Variants in SYNPO observed in about 807,000 individuals in gnomAD.
SYNPO encodes the protein synaptopodin.
Under a neutral mutation model 49.5 loss-of-function variants are expected in SYNPO, and 19 were observed. The observed-to-expected ratio is 0.38, with a 90% CI of 0.27 to 0.56. The LOEUF is 0.56. Among genes scored for constraint, SYNPO ranks in the 20% least tolerant of loss-of-function variants. The pLI is 0.68. For synonymous variants in SYNPO, 536 were observed against 548.0 expected (o/e 0.98, Z 0.31); for missense variants, 1,131 against 1,248.3 (o/e 0.91, Z 1.42).
At chr5:150,654,523 G>A (rs1354830821) in intron 2 of SYNPO, among the ~76,000 whole-genome samples, 1 of 152,212 alleles carries the variant, frequency 6.6e-6, no homozygotes, top group East Asian at 1.9e-4. Flanking sequence ...TGAGAATGAA[G>A]TTTGTAGACT....
chr5:150,591,230 G>T, the SYNPO span, among the ~76,000 whole-genome samples: 42 of 152,358 alleles, frequency 2.8e-4, no homozygotes, highest in East Asian at 7.7e-3. Context: ...GAAACACATT[G>T]AGAAGTCCCT....
At chr5:150,616,122 T>G (rs60003708) in intron 1 of SYNPO, among the ~76,000 whole-genome samples, 15,978 of 152,150 alleles carry the variant, frequency 0.11, 2,008 homozygotes, top group African/African-American at 0.28. Flanking sequence ...GCTCTGATTT[T>G]CCCTGGGGCT....
At chr5:150,628,248 C>G (rs1757427814) in intron 2 of SYNPO, among the ~76,000 whole-genome samples, 1 of 152,188 alleles carries the variant, frequency 6.6e-6, no homozygotes, top group Admixed American at 6.5e-5. Flanking sequence ...ACCAGCCTAG[C>G]TTCAGCTTTT....
rs184076554 is a variant in SYNPO at position 150,606,224 on chromosome 5, G to T, written c.-266+5036G>T. On this transcript the variant is annotated intron_variant, in intron 1 of 2. Coordinates refer to the SYNPO transcript ENST00000394243. ...AGACACACAGCAGAAGAAGCTCCAA[G>T]CTGGAGGACAGATGCTGGGATGGCG... Among the ~76,000 whole-genome samples the T allele has an allele frequency of 1.6e-3, 241 of 152,306 alleles. 1 individual carries two copies. The highest frequency in any genetic ancestry group is 0.01 in the Middle Eastern group (3 of 294).
intron 2 of SYNPO, among the ~76,000 whole-genome samples, chr5:150,632,701 C>T (rs1219259135): frequency 2.0e-5 from 3 of 152,312 alleles, no homozygotes; most frequent in Admixed American, 6.5e-5. Flanking sequence ...AGCCCAGTGA[C>T]GTCTTTCCCT....
At chr5:150,592,161 G>A in the SYNPO span, among the ~76,000 whole-genome samples, 23 of 151,962 alleles carry the variant, frequency 1.5e-4, no homozygotes, top group African/African-American at 4.3e-4. Context: ...GTGAAACTCC[G>A]TCTGAAAAGA....
At chr5:150,631,254 T>C (rs1038489606) in intron 2 of SYNPO, among the ~76,000 whole-genome samples, 7 of 152,196 alleles carry the variant, frequency 4.6e-5, no homozygotes, top group African/African-American at 1.4e-4. Flanking sequence ...TGAAAACAAA[T>C]CCTTATGGAA....
At chr5:150,606,038 GAC>G (rs1228157583) in intron 1 of SYNPO, among the ~76,000 whole-genome samples, 1 of 152,012 alleles carries the variant, frequency 6.6e-6, no homozygotes, top group Non-Finnish European at 1.5e-5. Flanking sequence ...AACACGTACA[GAC>G]ACACAGATAC....
chr5:150,635,315 C>T (rs1335127941), intron 2 of SYNPO, among the ~76,000 whole-genome samples: 6 of 152,210 alleles, frequency 3.9e-5, no homozygotes, highest in Admixed American at 6.5e-5. Flanking sequence ...TGTGGGCATA[C>T]GTGCAGAGGA....
At position 150,640,677 on chromosome 5, in the gene SYNPO, A is replaced by G; in HGVS notation, c.-510A>G. On this transcript the variant is annotated 5_prime_UTR_variant, in exon 1 of 3. Coordinates refer to ENST00000307662, the MANE Select transcript of SYNPO (RefSeq NM_007286.6). ...GTTTTCCTGATAAAGAGCTGGGCTG[A>G]GTCATCTGTGGAGGAGAAAAGTCAC... 1 of 985,584 alleles carries G rather than the reference A, an allele frequency of 1.0e-6. No homozygotes were observed. Among genetic ancestry groups the G allele is most frequent in the Non-Finnish European group, 1.2e-6 (1 of 829,930 alleles). The allele number at this position is 985,584 out of a possible 1,614,324, so 61.1% of individuals were successfully genotyped here. A position where few individuals can be genotyped will look rare whatever the true frequency, so the allele number is the denominator to read the frequency against.
At chr5:150,592,036 A>G in the SYNPO span, among the ~76,000 whole-genome samples, 87 of 152,298 alleles carry the variant, frequency 5.7e-4, 1 homozygote, top group Middle Eastern at 6.8e-3. Flanking sequence ...ATGGTGGCGC[A>G]TGCCTATAAT....
chr5:150,595,432 A>G, the SYNPO span, among the ~76,000 whole-genome samples: 1 of 152,356 alleles, frequency 6.6e-6, no homozygotes. Context: ...CAGGTCTCAC[A>G]GCATCAGGAG....
At position 150,657,282 on chromosome 5, in the gene SYNPO, C is replaced by G. The variant is rs978450118; in HGVS notation, c.*195C>G. The stretch of plus-strand genomic sequence containing the variant: ...TGCTCTCATTCAGCTGTTGTGTGAC[C>G]CTGGGTAAGACCCTTCCTTGTTTGA... On this transcript the variant is annotated 3_prime_UTR_variant, in exon 3 of 3. Transcript: ENST00000307662. 58 of 640,490 alleles carry G rather than the reference C, an allele frequency of 9.1e-5. No individual in the cohort carries two copies. The East Asian group carries it at 1.4e-3, about 15-fold the overall frequency. The allele number at this position is 640,490 out of a possible 1,614,324, so 39.7% of individuals were successfully genotyped here.
chr5:150,644,034 G>T (rs1167128335), intron 1 of SYNPO, among the ~76,000 whole-genome samples: 2 of 151,980 alleles, frequency 1.3e-5, no homozygotes, highest in Non-Finnish European at 2.9e-5. Context: ...AATTAGCCAG[G>T]CATAGTGGCA....
chr5:150,617,013 T>A (rs1756999574), intron 1 of SYNPO, among the ~76,000 whole-genome samples: 1 of 152,214 alleles, frequency 6.6e-6, no homozygotes, highest in East Asian at 1.9e-4. Context: ...CTTTTTATGA[T>A]GTCTGAAAAA....
At chr5:150,624,823 C>T in intron 2 of SYNPO, 2 of 980,956 alleles carry the variant, frequency 2.0e-6, no homozygotes, top group South Asian at 9.1e-5. Context: ...GCGGGGACCT[C>T]GGGGCGGGGC....
At position 150,602,997 on chromosome 5, in the gene SYNPO, GGTGTGTGT is replaced by G. The variant is rs3062133; in HGVS notation, c.-266+1847_-266+1854del. Among the ~76,000 whole-genome samples the G allele has an allele frequency of 3.9e-3, 515 of 131,244 alleles. 7 individuals carry two copies. The East Asian group carries it at 0.041, about 10-fold the overall frequency. The allele number at this position is 131,244 out of a possible 152,430, so 86.1% of individuals were successfully genotyped here. On this transcript the variant is annotated intron_variant, in intron 1 of 2. Transcript: ENST00000394243. Reference sequence around the variant, plus strand: ...GTGGAAAGCCCAGTTGCCACCTTAGGGTGTGTGTGTGTGTGTGTGTGTGTGTGTGTGTG... The same window carrying G: ...GTGGAAAGCCCAGTTGCCACCTTAGGGTGTGTGTGTGTGTGTGTGTGTGTG...
Position 150,657,043 on chromosome 5 carries a change from C to T in SYNPO, c.2668C>T (p.Leu890Phe), listed in dbSNP as rs1322011943. 6.2e-6 allele frequency: 10 copies of T among 1,600,628 alleles called. No homozygotes were observed. The highest frequency in any genetic ancestry group is 8.5e-6 in the Non-Finnish European group (10 of 1,174,868). Residue 890 changes from leucine to phenylalanine, a missense_variant, in exon 3 of 3, where the codon CTC becomes TTC. Physicochemically the swap from Leu to Phe is conservative, Grantham distance 22 (BLOSUM62 0). Coordinates refer to ENST00000307662, the MANE Select transcript of SYNPO (RefSeq NM_007286.6). ...CPRGWNGSLR[L>F]KRGSLPAEAS... is the part of the protein sequence containing the mutation. Reference sequence around the variant, plus strand: ...CCGCGGGTGGAATGGCAGCCTTCGGCTCAAGCGTGGCAGCCTCCCCGCCGA... The same window carrying T: ...CCGCGGGTGGAATGGCAGCCTTCGGTTCAAGCGTGGCAGCCTCCCCGCCGA...
chr5:150,599,080 AG>A (rs1197164881), upstream of SYNPO, among the ~76,000 whole-genome samples: 1 of 152,252 alleles, frequency 6.6e-6, no homozygotes, highest in Non-Finnish European at 1.5e-5. Flanking sequence ...ATGGGCAAGG[AG>A]GCCTGTCAGG....
Sources: allele counts gnomAD v4.1 joint callset (sites outside exome capture counted in the v4.1 genomes callset), GRCh38; gene constraint gnomAD v4.1.1; transcripts MANE v1.5; gene names NCBI Gene and HGNC (gene_info 2026-07-23, HGNC 2026-07-21).